FHIP1A: variants seen among roughly 807,000 people sequenced by gnomAD.
FHIP1A encodes the protein FHF complex subunit HOOK-interacting protein 1A.
In FHIP1A, 61 loss-of-function variants were observed where a neutral mutation model predicts 88.6. The observed-to-expected ratio is 0.69, with a 90% CI of 0.56 to 0.85. The LOEUF is 0.85. Ranked by LOEUF, FHIP1A falls within the 40% of genes least tolerant of loss-of-function variation. FHIP1A has a pLI of 0.00. For synonymous variants in FHIP1A, 478 were observed against 496.0 expected (o/e 0.96, Z 0.48); for missense variants, 1,154 against 1,273.5 (o/e 0.91, Z 1.43).
chr4:151,555,729 T>C (rs891252522), intron 3 of FHIP1A, among the ~76,000 whole-genome samples: 3 of 152,132 alleles, frequency 2.0e-5, no homozygotes, highest in Non-Finnish European at 4.4e-5. Context: ...GATTCAGAGA[T>C]ATATTAGTCA....
chr4:151,542,999 T>A (rs921872741), intron 3 of FHIP1A, among the ~76,000 whole-genome samples: 5 of 152,248 alleles, frequency 3.3e-5, no homozygotes, highest in African/African-American at 1.2e-4. Flanking sequence ...TGTTATTATG[T>A]TGCCTAAAAT....
At chr4:151,453,350 A>G (rs11938851) in intron 1 of FHIP1A, among the ~76,000 whole-genome samples, 1 of 152,116 alleles carries the variant, frequency 6.6e-6, no homozygotes, top group African/African-American at 2.4e-5. Context: ...ATTATGATAT[A>G]AGCATTTTTC....
intron 3 of FHIP1A, among the ~76,000 whole-genome samples, chr4:151,548,240 G>A (rs1194507556): frequency 3.3e-5 from 5 of 152,126 alleles, no homozygotes; most frequent in East Asian, 1.9e-4. Flanking sequence ...AGTGTTGTTG[G>A]TGCTACACCA....
rs4696086 is a variant in FHIP1A, at chr4:151,409,342, G to C, written c.-479G>C. 0.52 allele frequency: 79,318 copies of C among 151,120 alleles called. 20,896 individuals carry two copies. The highest frequency in any genetic ancestry group is 0.55 in the Non-Finnish European group (37,471 of 67,828). 9.4% of individuals were successfully genotyped at this position (151,120 alleles called of 1,614,324 possible). A position where few individuals can be genotyped will look rare whatever the true frequency, so the allele number is the denominator to read the frequency against. ...CGCCCGAGGTGCGAGGAGCCAGCCC[G>C]GCTTTCCTCACTGGGTCCCGCGCAG... On this transcript the variant is annotated 5_prime_UTR_variant, in exon 1 of 14. Transcript: ENST00000435205.
Position 151,561,125 on chromosome 4 carries a change from T to C in FHIP1A, c.-122-5013T>C, listed in dbSNP as rs1458323803. On this transcript the variant is annotated intron_variant, in intron 3 of 13. Coordinates refer to ENST00000435205, the MANE Select transcript of FHIP1A (RefSeq NM_001109977.3). ...TATTAAGTTTTAGGTATCTTGTTAC[T>C]GTTTTGAAGCATGTATTTTCCAAAG... Among the ~76,000 whole-genome samples, 6 of 152,322 alleles carry C rather than the reference T, an allele frequency of 3.9e-5. No homozygotes were observed. In the East Asian group the frequency reaches 5.8e-4, roughly 15 times the overall value.
chr4:151,504,347 C>T (rs1730751265), intron 3 of FHIP1A, among the ~76,000 whole-genome samples: 1 of 152,160 alleles, frequency 6.6e-6, no homozygotes, highest in South Asian at 2.1e-4. Flanking sequence ...TTAGACTTAA[C>T]ATGAGTATCT....
At chr4:151,457,249 TAAGAATA>T (rs1364917464) in intron 2 of FHIP1A, among the ~76,000 whole-genome samples, 3 of 152,210 alleles carry the variant, frequency 2.0e-5, no homozygotes, top group Non-Finnish European at 4.4e-5. Context: ...GTGGGCTAAG[TAAGAATA>T]GAAAAATATG....
intron 1 of FHIP1A, among the ~76,000 whole-genome samples, chr4:151,437,349 G>C (rs1728241202): frequency 6.6e-6 from 1 of 152,040 alleles, no homozygotes; most frequent in Non-Finnish European, 1.5e-5. Context: ...TCCCAAGGAT[G>C]ACCAAAAATG....
At chr4:151,586,537 A>G in intron 5 of FHIP1A, 104 bp from the exon 6 acceptor site, 1 of 883,100 alleles carries the variant, frequency 1.1e-6, no homozygotes, top group Non-Finnish European at 1.7e-6. Context: ...TGCTACTTAA[A>G]GATATAGTTT....
At chr4:151,554,745 A>G (rs1004758574) in intron 3 of FHIP1A, among the ~76,000 whole-genome samples, 2 of 152,190 alleles carry the variant, frequency 1.3e-5, no homozygotes, top group Non-Finnish European at 2.9e-5. Flanking sequence ...CGCAGGTGGA[A>G]TTAAATCTGA....
rs1476188905 is a variant in FHIP1A, at chr4:151,650,101, C to T, written c.2060C>T (p.Thr687Ile). The change falls in exon 11 of 14, where the codon ACC (threonine) becomes ATC (isoleucine). Residue 687 changes from threonine to isoleucine, a missense_variant. Physicochemically the swap from Thr to Ile is moderately conservative, Grantham distance 89 (BLOSUM62 -1). Coordinates refer to ENST00000435205, the MANE Select transcript of FHIP1A (RefSeq NM_001109977.3). ...VPINNGPLLS[T>I]QPETDSEEEW... Reference sequence around the variant, plus strand: ...ATCAACAACGGCCCCCTCCTCAGCACCCAGCCAGAGACAGATTCAGAGGAG... The same window carrying T: ...ATCAACAACGGCCCCCTCCTCAGCATCCAGCCAGAGACAGATTCAGAGGAG... 6.4e-7 allele frequency: 1 copy of T among 1,551,676 alleles called. No homozygotes were observed. The highest frequency in any genetic ancestry group is 8.7e-7 in the Non-Finnish European group (1 of 1,146,994).
intron 1 of FHIP1A, among the ~76,000 whole-genome samples, chr4:151,441,027 G>A (rs1323254237): frequency 6.6e-6 from 1 of 151,976 alleles, no homozygotes; most frequent in African/African-American, 2.4e-5. Flanking sequence ...AATTGACTAC[G>A]CCAGCTTCTC....
chr4:151,434,680 A>G (rs1223897290), intron 1 of FHIP1A, among the ~76,000 whole-genome samples: 2 of 152,200 alleles, frequency 1.3e-5, no homozygotes, highest in Non-Finnish European at 2.9e-5. Context: ...AGTTTATATT[A>G]TTAGTGACAT....
intron 13 of FHIP1A, among the ~76,000 whole-genome samples, chr4:151,661,506 C>G (rs913624583): frequency 2.0e-5 from 3 of 149,552 alleles, no homozygotes; most frequent in Non-Finnish European, 4.4e-5. Context: ...AAGCAACACT[C>G]TGAGAAGAGT....
At chr4:151,464,286 G>T (rs1436554544) in intron 2 of FHIP1A, among the ~76,000 whole-genome samples, 1 of 152,182 alleles carries the variant, frequency 6.6e-6, no homozygotes, top group Non-Finnish European at 1.5e-5. Context: ...ATCAAATCTG[G>T]TGGTTTTTAA....
Position 151,663,166 on chromosome 4 carries a change from A to G in FHIP1A, c.*412A>G, listed in dbSNP as rs953383083. On this transcript the variant is annotated 3_prime_UTR_variant, in exon 14 of 14. Coordinates refer to ENST00000435205, the MANE Select transcript of FHIP1A (RefSeq NM_001109977.3). ...GTTCAGCAGCACAGGAAGATTGTAC[A>G]CCTGCAACTGTGCGAATGGTCCTGT... is the stretch of plus-strand genomic sequence containing the variant. 3.2e-5 allele frequency: 5 copies of G among 158,128 alleles called. No homozygotes were observed. The highest frequency in any genetic ancestry group is 6.9e-5 in the Non-Finnish European group (5 of 72,088). The allele number at this position is 158,128 out of a possible 1,614,324, so 9.8% of individuals were successfully genotyped here.
intron 7 of FHIP1A, among the ~76,000 whole-genome samples, 179 bp downstream of exon 7, chr4:151,589,105 G>GAAAAAA (rs1297511527): frequency 6.6e-6 from 1 of 152,166 alleles, no homozygotes; most frequent in East Asian, 1.9e-4. Context: ...TAAACTGATG[G>GAAAAAA]TTCTATCTGG....
intron 13 of FHIP1A, among the ~76,000 whole-genome samples, chr4:151,662,228 A>G (rs1737485654): frequency 6.6e-6 from 1 of 152,154 alleles, no homozygotes; most frequent in South Asian, 2.1e-4. Context: ...TGACAAACCT[A>G]TATTCTTGCC....
chr4:151,586,549 G>T, intron 5 of FHIP1A, 92 bp from the exon 6 acceptor site: 1 of 1,003,016 alleles, frequency 1.0e-6, no homozygotes, highest in Non-Finnish European at 1.4e-6. Flanking sequence ...ATATAGTTTT[G>T]GGACCAGCAG....
Sources: allele counts gnomAD v4.1 joint callset (sites outside exome capture counted in the v4.1 genomes callset), GRCh38; gene constraint gnomAD v4.1.1; transcripts MANE v1.5; gene names NCBI Gene and HGNC (gene_info 2026-07-23, HGNC 2026-07-21).